SPTBN4: variants seen among roughly 807,000 people sequenced by gnomAD.
The protein encoded by SPTBN4 is spectrin beta, non-erythrocytic 4, also known as spectrin beta chain, non-erythrocytic 4.
In SPTBN4, 96 loss-of-function variants were observed where a neutral mutation model predicts 277.8. The ratio of observed to expected loss-of-function variants is 0.35; its 90% CI spans 0.29 to 0.41. The LOEUF is 0.41. Among genes scored for constraint, SPTBN4 ranks in the 10% least tolerant of loss-of-function variants. The pLI is 1.00. For missense variants in SPTBN4, 3,006 were observed against 3,595.7 expected (o/e 0.84, Z 4.19); for synonymous variants, 1,481 against 1,580.3 (o/e 0.94, Z 1.49).
At chr19:40,520,863 C>T (rs1310638802) in intron 16 of SPTBN4, among the ~76,000 whole-genome samples, 1 of 151,740 alleles carries the variant, frequency 6.6e-6, no homozygotes, top group Non-Finnish European at 1.5e-5. Flanking sequence ...AGGGTGCCTG[C>T]CTGTACTGGT....
chr19:40,532,695 A>C lies in SPTBN4; in HGVS notation c.4019A>C (p.His1340Pro). Residue 1340 changes from histidine to proline, a missense_variant, in exon 19 of 36, where the codon CAT (histidine) becomes CCT (proline). Transcript: ENST00000598249. ...ACGCGGGAGGACAACCACAAGCTGC[A>C]TAAGAGATGGCTCCGGCACCAGGCA... ...DGTREDNHKL[H>P]KRWLRHQAFM... is the part of the protein sequence containing the mutation. 8 of 1,613,686 alleles carry C rather than the reference A, an allele frequency of 5.0e-6. No individual in the cohort carries two copies. The highest frequency in any genetic ancestry group is 6.8e-6 in the Non-Finnish European group (8 of 1,179,724).
At chr19:40,509,794 G>A (rs538939287) in intron 13 of SPTBN4, among the ~76,000 whole-genome samples, 31 of 152,286 alleles carry the variant, frequency 2.0e-4, no homozygotes, top group African/African-American at 6.5e-4. Flanking sequence ...AGGTTGATGG[G>A]GAAGTTTCTC....
intron 2 of SPTBN4, among the ~76,000 whole-genome samples, chr19:40,478,656 C>T (rs1320771875): frequency 6.6e-6 from 1 of 152,064 alleles, no homozygotes; most frequent in Non-Finnish European, 1.5e-5. Flanking sequence ...AGCTGTTCTC[C>T]TTCCTCTGCC....
Position 40,575,449 on chromosome 19 carries a change from G to A in SPTBN4, c.7575G>A (p.Ser2525=). Residue 2525 remains serine, a synonymous_variant, in exon 36 of 36, where the codon TCG becomes TCA. Transcript: ENST00000598249. The stretch of plus-strand genomic sequence containing the variant: ...GCTGGCTGGAGGCTGTAGCTTCCTC[G>A]GTGGCGGAACACGCAGAGATCGCCC... ...MNGWLEAVAS[S]VAEHAEIARW... The A allele has an allele frequency of 6.2e-7, 1 of 1,613,270 alleles. No individual in the cohort carries two copies. Among genetic ancestry groups the A allele is most frequent in the Non-Finnish European group, 8.5e-7 (1 of 1,179,824 alleles).
chr19:40,509,182 A>C (rs1366492915), intron 13 of SPTBN4, among the ~76,000 whole-genome samples: 1 of 145,192 alleles, frequency 6.9e-6, no homozygotes, highest in East Asian at 2.0e-4. Flanking sequence ...TCCACCTCCC[A>C]GAGTGTTGGG....
intron 20 of SPTBN4, among the ~76,000 whole-genome samples, chr19:40,536,930 C>A (rs2080744296): frequency 6.6e-6 from 1 of 151,994 alleles, no homozygotes; most frequent in Non-Finnish European, 1.5e-5. Flanking sequence ...GGACTACGGA[C>A]CCACACCACC....
At position 40,501,077 on chromosome 19, in the gene SPTBN4, G is replaced by A. The variant is rs573272444; in HGVS notation, c.785-844G>A. Among the ~76,000 whole-genome samples the A allele has an allele frequency of 5.3e-5, 8 of 151,952 alleles. No homozygotes were observed. In the East Asian group the frequency reaches 1.2e-3, roughly 22 times the overall value. ...AGAGTGAACATGGAGGCTTGTCTAA[G>A]GAAATTTGAGTTGAGCCAGGCATGG... On this transcript the variant is annotated intron_variant, in intron 7 of 35. Coordinates refer to ENST00000598249, the MANE Select transcript of SPTBN4 (RefSeq NM_020971.3).
At chr19:40,522,251 C>T (rs899257748) in intron 16 of SPTBN4, among the ~76,000 whole-genome samples, 9 of 152,054 alleles carry the variant, frequency 5.9e-5, no homozygotes, top group African/African-American at 2.2e-4. Flanking sequence ...TGGTCTTGAA[C>T]TCCTGGGGTC....
intron 2 of SPTBN4, 123 bp downstream of exon 2, chr19:40,472,913 G>C: frequency 4.1e-6 from 4 of 983,644 alleles, no homozygotes; most frequent in South Asian, 1.8e-5. Context: ...TTTCCATGAT[G>C]GTGGAAATAG....
At position 40,557,005 on chromosome 19, in the gene SPTBN4, C is replaced by CCA. The variant is rs751346134; in HGVS notation, c.5290-17_5290-16insAC. ...TTGCTCACTTTGCTGTACCCCCCCCCCCACTTCCTGATGGCAGGTGCTGCA... is the reference window on the plus strand; with the variant it reads ...TTGCTCACTTTGCTGTACCCCCCCCCCACCACTTCCTGATGGCAGGTGCTGCA... On this transcript the variant is annotated splice_polypyrimidine_tract_variant and intron_variant, in intron 25 of 35. Transcript: ENST00000598249. 1.3e-6 allele frequency: 2 copies of CCA among 1,528,442 alleles called. No individual in the cohort carries two copies. Among genetic ancestry groups the CCA allele is most frequent in the East Asian group, 2.3e-5 (1 of 43,304 alleles). The allele number at this position is 1,528,442 out of a possible 1,614,324, so 94.7% of individuals were successfully genotyped here.
At chr19:40,551,757 G>T (rs2080920098) in intron 22 of SPTBN4, among the ~76,000 whole-genome samples, 1 of 152,324 alleles carries the variant, frequency 6.6e-6, no homozygotes, top group South Asian at 2.1e-4. Context: ...ACTCTGGGAG[G>T]CCAAGGCAGG....
At chr19:40,522,564 C>A (rs988045826) in intron 16 of SPTBN4, among the ~76,000 whole-genome samples, 1 of 150,976 alleles carries the variant, frequency 6.6e-6, no homozygotes, top group Non-Finnish European at 1.5e-5. Context: ...GTTGGCCAGG[C>A]TGGTCTCGAA....
At chr19:40,477,699 C>T (rs939498813) in intron 2 of SPTBN4, among the ~76,000 whole-genome samples, 6 of 152,110 alleles carry the variant, frequency 3.9e-5, no homozygotes, top group African/African-American at 2.4e-5. Flanking sequence ...GATGAATTGG[C>T]ATGAACACTG....
At chr19:40,507,754 G>A (rs2080346564) in intron 13 of SPTBN4, among the ~76,000 whole-genome samples, 1 of 152,162 alleles carries the variant, frequency 6.6e-6, no homozygotes. Flanking sequence ...AGGATTGCTT[G>A]AACCCAGGAG....
intron 20 of SPTBN4, among the ~76,000 whole-genome samples, chr19:40,537,200 G>C (rs2080748042): frequency 6.6e-6 from 1 of 152,114 alleles, no homozygotes; most frequent in Non-Finnish European, 1.5e-5. Flanking sequence ...AGTAGAGATG[G>C]GGTTTCAGCA....
chr19:40,505,696 A>AAGGG (rs1170565267), intron 12 of SPTBN4, among the ~76,000 whole-genome samples: 1 of 132,800 alleles, frequency 7.5e-6, no homozygotes, highest in Non-Finnish European at 1.6e-5. Context: ...AAAAGAATGA[A>AAGGG]AGGGAGGAAG....
At chr19:40,492,109 A>G (rs192789470) in intron 4 of SPTBN4, among the ~76,000 whole-genome samples, 1 of 151,450 alleles carries the variant, frequency 6.6e-6, no homozygotes, top group Non-Finnish European at 1.5e-5. Flanking sequence ...CTGAGAGCCC[A>G]GGGAGGAGGA....
At position 40,570,583 on chromosome 19, in the gene SPTBN4, G is replaced by A; in HGVS notation, c.7174G>A (p.Gly2392Ser). 7.3e-7 allele frequency: 1 copy of A among 1,376,054 alleles called. No individual in the cohort carries two copies. Among genetic ancestry groups the A allele is most frequent in the Non-Finnish European group, 9.4e-7 (1 of 1,066,060 alleles). The allele number at this position is 1,376,054 out of a possible 1,614,324, so 85.2% of individuals were successfully genotyped here. Reference sequence around the variant, plus strand: ...GCCGCGGCCCAGAGAGGGTGGTGAGGGCGGGGGAAGCCGGCGCTCGCGCTC... The same window carrying A: ...GCCGCGGCCCAGAGAGGGTGGTGAGAGCGGGGGAAGCCGGCGCTCGCGCTC... ...RRPRPREGGE[G>S]GGSRRSRSAP... is the part of the protein sequence containing the mutation. The change falls in exon 33 of 36, where the codon GGC becomes AGC. Residue 2392 changes from glycine to serine, a missense_variant. Coordinates refer to ENST00000598249, the MANE Select transcript of SPTBN4 (RefSeq NM_020971.3).
intron 22 of SPTBN4, 64 bp downstream of exon 22, chr19:40,550,391 A>G: frequency 1.3e-6 from 2 of 1,509,004 alleles, no homozygotes; most frequent in Non-Finnish European, 1.8e-6. Flanking sequence ...AAACAGCTGA[A>G]GGTGGTTAAA....
Sources: gnomAD v4.1 joint callset for allele counts (sites outside exome capture counted in the v4.1 genomes callset) on GRCh38, gnomAD v4.1.1 for gene constraint, MANE v1.5 for transcripts, NCBI Gene and HGNC (gene_info 2026-07-23, HGNC 2026-07-21) for gene names.